BCAS3: variants seen among roughly 807,000 people sequenced by gnomAD.
The protein encoded by BCAS3 is BCAS3 microtubule associated cell migration factor.
In BCAS3, 53 loss-of-function variants were observed where a neutral mutation model predicts 116.1. That is an observed-to-expected ratio of 0.46 (90% CI 0.37 to 0.57). BCAS3 has a LOEUF of 0.57. BCAS3 is among the 20% of genes least tolerant of loss of function. The pLI is 0.00. For synonymous variants in BCAS3, 391 were observed against 408.2 expected, an observed-to-expected ratio of 0.96 and a Z score of 0.51; for missense variants, 917 against 1,165.4, an observed-to-expected ratio of 0.79 and a Z score of 3.10.
chr17:61,328,687 C>T (rs2055938698), intron 22 of BCAS3, among the ~76,000 whole-genome samples: 1 of 152,010 alleles, frequency 6.6e-6, no homozygotes, highest in Non-Finnish European at 1.5e-5. Flanking sequence ...ATCACCTGAG[C>T]CAGGGGTGGT....
intron 19 of BCAS3, among the ~76,000 whole-genome samples, chr17:61,067,722 C>CA (rs1353762363): frequency 8.7e-5 from 7 of 80,544 alleles, no homozygotes; most frequent in Admixed American, 1.3e-4. Context: ...CTCAAACAAA[C>CA]AAACAAAAAA....
chr17:60,789,688 A>G (rs2046588719), intron 6 of BCAS3, among the ~76,000 whole-genome samples: 1 of 152,158 alleles, frequency 6.6e-6, no homozygotes. Flanking sequence ...TGTACATGCA[A>G]ATAAACACAC....
intron 13 of BCAS3, among the ~76,000 whole-genome samples, chr17:60,932,031 C>G (rs748764873): frequency 2.6e-5 from 4 of 152,012 alleles, no homozygotes; most frequent in Admixed American, 6.6e-5. Flanking sequence ...TGAGATCGCG[C>G]CACTGTGCTC....
At position 61,105,028 on chromosome 17, in the gene BCAS3, T is replaced by A. The variant is rs567545603; in HGVS notation, c.2425+20464T>A. Among the ~76,000 whole-genome samples the A allele has an allele frequency of 6.6e-6, 1 of 152,226 alleles. No individual in the cohort carries two copies. The highest frequency in any genetic ancestry group is 6.5e-5 in the Admixed American group (1 of 15,284). On this transcript the variant is annotated intron_variant, in intron 22 of 23. Transcript: ENST00000407086. The surrounding 1 kb of genome is among the most constrained non-coding windows in gnomAD (Gnocchi z 4.3). ...ATACTTCAGGTAACCTCCGTGGGTT[T>A]CCTCACTGCTGTTGGCTCAGCTGTG...
At position 61,332,076 on chromosome 17, in the gene BCAS3, C is replaced by G. The variant is rs1348850587; in HGVS notation, c.2426-36251C>G. ...CATGTGGGTCTCGACCTCCCATGAG[C>G]AGGGCGAGGCTGCCTCAGACAAGTG... On this transcript the variant is annotated intron_variant, in intron 22 of 23. Transcript: ENST00000407086. The surrounding 1 kb of genome is among the most constrained non-coding windows in gnomAD (Gnocchi z 5.4). Among the ~76,000 whole-genome samples, 1 of 152,192 alleles carries G rather than the reference C, an allele frequency of 6.6e-6. No individual in the cohort carries two copies. The highest frequency in any genetic ancestry group is 1.9e-4 in the East Asian group (1 of 5,194).
chr17:61,040,802 T>C lies in BCAS3; in HGVS notation c.1939T>C (p.Trp647Arg). Reference sequence around the variant, plus strand: ...CTCCTGTTTCCTTAGAACCCCTCAATGGAATGAATTGCAGCCACCGTTTAA... The same window carrying C: ...CTCCTGTTTCCTTAGAACCCCTCAACGGAATGAATTGCAGCCACCGTTTAA... Reference protein sequence around the residue: ...ASWTLVRTPQWNELQPPFNAN... With the variant: ...ASWTLVRTPQRNELQPPFNAN... Residue 647 changes from tryptophan (W) to arginine (R), a missense_variant, in exon 19 of 24, where the codon TGG (tryptophan) becomes CGG (arginine). Physicochemically the swap from Trp to Arg is moderately radical, Grantham distance 101. Transcript: ENST00000407086. 1 of 1,613,646 alleles carries C rather than the reference T, an allele frequency of 6.2e-7. No individual in the cohort carries two copies.
chr17:60,927,694 G>A (rs1196222685), intron 13 of BCAS3, among the ~76,000 whole-genome samples: 1 of 152,076 alleles, frequency 6.6e-6, no homozygotes, highest in East Asian at 1.9e-4. Context: ...AATCTATGAA[G>A]CCTGTTAATA....
intron 22 of BCAS3, among the ~76,000 whole-genome samples, chr17:61,329,471 A>G (rs968116461): frequency 1.3e-4 from 20 of 149,978 alleles, no homozygotes; most frequent in Middle Eastern, 3.6e-3. Flanking sequence ...CCCCCAAGTA[A>G]CTGGGACTAC....
intron 7 of BCAS3, chr17:60,851,450 G>A (rs9896357): frequency 0.15 from 70,727 of 486,212 alleles, 6,698 homozygotes; most frequent in African/African-American, 0.32. Flanking sequence ...GATCGCCGCG[G>A]TTGTCAGCTA....
intron 23 of BCAS3, among the ~76,000 whole-genome samples, chr17:61,375,368 T>C (rs2059285043): frequency 1.3e-5 from 2 of 151,946 alleles, no homozygotes. Context: ...AATATCTCAG[T>C]GTATTGGACC....
chr17:61,099,645 G>A (rs968437921), intron 22 of BCAS3, among the ~76,000 whole-genome samples: 1 of 152,098 alleles, frequency 6.6e-6, no homozygotes, highest in Non-Finnish European at 1.5e-5. Flanking sequence ...ACAAGCTTTC[G>A]TTCTATTAGG....
intron 12 of BCAS3, among the ~76,000 whole-genome samples, chr17:60,916,809 A>C (rs918200291): frequency 8.5e-5 from 13 of 152,188 alleles, no homozygotes; most frequent in African/African-American, 3.1e-4. Context: ...ATTTTTGATA[A>C]GGTACCAGTA....
chr17:60,921,693 A>G, intron 12 of BCAS3, among the ~76,000 whole-genome samples: 1 of 151,730 alleles, frequency 6.6e-6, no homozygotes, highest in Admixed American at 6.6e-5. Context: ...GCAGACTACT[A>G]GAGTGGGGAG....
Position 61,104,461 on chromosome 17 carries a change from T to A in BCAS3, c.2425+19897T>A, listed in dbSNP as rs1167456597. 6.6e-6 allele frequency among the ~76,000 whole-genome samples: 1 copy of A among 152,240 alleles called. No homozygotes were observed. The highest frequency in any genetic ancestry group is 1.9e-4 in the East Asian group (1 of 5,206). On this transcript the variant is annotated intron_variant, in intron 22 of 23. Transcript: ENST00000407086. The surrounding 1 kb of genome is among the most constrained non-coding windows in gnomAD (Gnocchi z 4.1). ...AAAGTGTTTGTTTCACTGTGGCACA[T>A]AGGGCAAATGCCTTGGAACATCAGT...
intron 7 of BCAS3, among the ~76,000 whole-genome samples, chr17:60,849,748 C>T (rs1266475809): frequency 2.6e-5 from 4 of 152,018 alleles, no homozygotes; most frequent in African/African-American, 9.7e-5. Flanking sequence ...CTTCTTTCTT[C>T]TTCCTTTTCC....
In BCAS3 at chr17:60,990,806, C is replaced by T. The variant is rs1327870520; in HGVS notation, c.1486+571C>T. On this transcript the variant is annotated intron_variant, in intron 15 of 23. Coordinates refer to ENST00000407086, the MANE Select transcript of BCAS3 (RefSeq NM_017679.5). The surrounding 1 kb of genome is among the most constrained non-coding windows in gnomAD (Gnocchi z 5.1). Reference sequence around the variant, plus strand: ...GGATTACAGGCATCCGCCACCACGCCTGGCTGATTTTCAGTATTTTTAGTA... The same window carrying T: ...GGATTACAGGCATCCGCCACCACGCTTGGCTGATTTTCAGTATTTTTAGTA... Among the ~76,000 whole-genome samples the T allele has an allele frequency of 1.3e-5, 2 of 152,162 alleles. No homozygotes were observed. Among genetic ancestry groups the T allele is most frequent in the East Asian group, 3.9e-4 (2 of 5,188 alleles).
intron 22 of BCAS3, among the ~76,000 whole-genome samples, chr17:61,234,708 G>A (rs987633664): frequency 6.7e-6 from 1 of 149,880 alleles, no homozygotes; most frequent in Admixed American, 6.7e-5. Flanking sequence ...TGCCTGTCCT[G>A]CGCCAGGGCC....
In BCAS3 at chr17:61,161,943, A is replaced by G. The variant is rs947881628; in HGVS notation, c.2425+77379A>G. 6.6e-6 allele frequency among the ~76,000 whole-genome samples: 1 copy of G among 152,244 alleles called. No individual in the cohort carries two copies. Among genetic ancestry groups the G allele is most frequent in the African/African-American group, 2.4e-5 (1 of 41,472 alleles). On this transcript the variant is annotated intron_variant, in intron 22 of 23. Coordinates refer to ENST00000407086, the MANE Select transcript of BCAS3 (RefSeq NM_017679.5). The surrounding 1 kb of genome is among the most constrained non-coding windows in gnomAD (Gnocchi z 4.8). ...CAATTATATTACTCTCTCTGAGGCA[A>G]AAAGCACACATTTAATAACTAAATT...
rs750116539 is a variant in BCAS3, at chr17:61,265,758, G to A, written c.2426-102569G>A. ...TGTGTGTCATACTGTCCTGGACTCT[G>A]TATAGCAAAGATTTAATGACCATGG... On this transcript the variant is annotated intron_variant, in intron 22 of 23. Coordinates refer to ENST00000407086, the MANE Select transcript of BCAS3 (RefSeq NM_017679.5). This position sits in a 1 kb window ranked among gnomAD's most constrained non-coding sequence, Gnocchi z 4.3. 6.6e-6 allele frequency among the ~76,000 whole-genome samples: 1 copy of A among 151,884 alleles called. No individual in the cohort carries two copies. Among genetic ancestry groups the A allele is most frequent in the Non-Finnish European group, 1.5e-5 (1 of 67,996 alleles).
Sources: gnomAD v4.1 joint callset for allele counts (sites outside exome capture counted in the v4.1 genomes callset) on GRCh38, gnomAD v4.1.1 for gene constraint, Gnocchi (gnomAD v3.1) non-coding constraint, MANE v1.5 for transcripts, NCBI Gene and HGNC (gene_info 2026-07-23, HGNC 2026-07-21) for gene names.